IQCE: variants seen among roughly 807,000 people sequenced by gnomAD.
IQCE encodes the protein IQ domain-containing protein E.
IQCE carries 115 observed loss-of-function variants against 96.0 expected under a neutral mutation model. That is an observed-to-expected ratio of 1.20 (90% CI 1.03 to 1.40). IQCE has a LOEUF of 1.40. Among genes scored for constraint, IQCE ranks in the 40% most tolerant of loss-of-function variants. The probability of loss-of-function intolerance (pLI) is 0.00; values close to 1 mark genes in which losing one functional copy is unlikely to be tolerated. For missense variants in IQCE, 1,041 were observed against 909.1 expected, an observed-to-expected ratio of 1.15 and a Z score of -1.87; for synonymous variants, 412 against 371.2, an observed-to-expected ratio of 1.11 and a Z score of -1.26.
intron 3 of IQCE, among the ~76,000 whole-genome samples, chr7:2,570,142 C>G (rs572121744): frequency 2.0e-5 from 3 of 152,258 alleles, no homozygotes; most frequent in African/African-American, 7.2e-5. Context: ...CCACCACGTT[C>G]CGAGGCTTTT....
At position 2,590,009 on chromosome 7, in the gene IQCE, C is replaced by T. The variant is rs780193465; in HGVS notation, c.1147C>T (p.Arg383Ter). ...CAGCTCTGCGCTGCACAGACAGCCA[C>T]GAGGGGACCGCAACAAGGACCACGA... ...ASSSALHRQP[R>*]GDRNKDHERL... Residue 383 changes from arginine to a stop codon, truncating the protein, a stop_gained, in exon 14 of 22, where the codon CGA (arginine) becomes TGA (stop). Transcript: ENST00000402050. LOFTEE classifies it high-confidence loss of function. 5.6e-6 allele frequency: 9 copies of T among 1,613,742 alleles called. No homozygotes were observed. The highest frequency in any genetic ancestry group is 1.3e-5 in the African/African-American group (1 of 74,936).
At chr7:2,561,003 G>A (rs1430505529) in intron 1 of IQCE, among the ~76,000 whole-genome samples, 1 of 149,928 alleles carries the variant, frequency 6.7e-6, no homozygotes, top group Non-Finnish European at 1.5e-5. Context: ...TGCCACCCAG[G>A]CTGGAGTGCA....
intron 14 of IQCE, among the ~76,000 whole-genome samples, chr7:2,590,765 A>G (rs1783524356): frequency 6.6e-6 from 1 of 152,200 alleles, no homozygotes; most frequent in South Asian, 2.1e-4. Context: ...ACCTCAACTC[A>G]AAAGTGTAGG....
intron 20 of IQCE, among the ~76,000 whole-genome samples, chr7:2,606,551 T>A (rs1306568164): frequency 1.3e-5 from 2 of 152,160 alleles, no homozygotes; most frequent in Non-Finnish European, 2.9e-5. Flanking sequence ...CACCCCCGTC[T>A]GCTTCACCCC....
At position 2,589,984 on chromosome 7, in the gene IQCE, C is replaced by T; in HGVS notation, c.1122C>T (p.Ser374=). 6.2e-7 allele frequency: 1 copy of T among 1,613,986 alleles called. No homozygotes were observed. The highest frequency in any genetic ancestry group is 8.5e-7 in the Non-Finnish European group (1 of 1,180,026). The part of the protein sequence containing the change: ...VRSHPPACLA[S]SSALHRQPRG... Reference sequence around the variant, plus strand: ...CACACCCGCCAGCCTGCCTTGCATCCAGCTCTGCGCTGCACAGACAGCCAC... The same window carrying T: ...CACACCCGCCAGCCTGCCTTGCATCTAGCTCTGCGCTGCACAGACAGCCAC... Residue 374 remains serine (S), a synonymous_variant, in exon 14 of 22, where the codon TCC becomes TCT. Coordinates refer to ENST00000402050, the MANE Select transcript of IQCE (RefSeq NM_152558.5).
chr7:2,601,521 G>A, intron 18 of IQCE, 57 bp downstream of exon 18: 1 of 1,199,266 alleles, frequency 8.3e-7, no homozygotes, highest in Non-Finnish European at 1.2e-6. Context: ...TTGAAAAGTA[G>A]GTGAGGGGAT....
At chr7:2,578,090 G>A (rs1199523869) in intron 6 of IQCE, 152 bp from the exon 7 acceptor site, 4 of 604,704 alleles carry the variant, frequency 6.6e-6, no homozygotes, top group African/African-American at 1.9e-5. Context: ...TGTGTGCGGC[G>A]TGCGCGCAGT....
At chr7:2,562,888 C>T (rs987842355) in intron 1 of IQCE, among the ~76,000 whole-genome samples, 1 of 150,848 alleles carries the variant, frequency 6.6e-6, no homozygotes, top group African/African-American at 2.4e-5. Flanking sequence ...TTTACAGCTA[C>T]AAATTGCCCT....
intron 14 of IQCE, among the ~76,000 whole-genome samples, chr7:2,591,138 G>A (rs908553611): frequency 2.6e-5 from 4 of 151,818 alleles, no homozygotes; most frequent in Non-Finnish European, 5.9e-5. Context: ...CTGTAATCCC[G>A]CCTATTTGGG....
intron 11 of IQCE, 193 bp downstream of exon 11, chr7:2,584,478 GT>G (rs1397717777): frequency 1.6e-6 from 1 of 627,358 alleles, no homozygotes; most frequent in East Asian, 2.7e-5. Context: ...ACTCCTCATA[GT>G]GACCACGTGT....
At chr7:2,571,354 A>G in intron 3 of IQCE, 172 bp from the exon 4 acceptor site, 1 of 751,642 alleles carries the variant, frequency 1.3e-6, no homozygotes, top group South Asian at 1.6e-5. Flanking sequence ...AAGTTAAAGG[A>G]GAAATGTCAG....
At position 2,614,098 on chromosome 7, in the gene IQCE, C is replaced by G. The variant is rs1785206139; in HGVS notation, c.*3936C>G. On this transcript the variant is annotated 3_prime_UTR_variant, in exon 22 of 22. Transcript: ENST00000402050. ...CGTGAGGACCATGCCCTTGATCCCTCCGATGGACCAGAAACCCCCTTCCTT... is the reference window on the plus strand; with the variant it reads ...CGTGAGGACCATGCCCTTGATCCCTGCGATGGACCAGAAACCCCCTTCCTT... The G allele has an allele frequency of 6.6e-6, 1 of 152,062 alleles. No individual in the cohort carries two copies. The highest frequency in any genetic ancestry group is 2.1e-4 in the South Asian group (1 of 4,822). 9.4% of individuals were successfully genotyped at this position (152,062 alleles called of 1,614,324 possible). A position where few individuals can be genotyped will look rare whatever the true frequency, so the allele number is the denominator to read the frequency against.
intron 1 of IQCE, among the ~76,000 whole-genome samples, chr7:2,564,322 C>T (rs1257570152): frequency 1.3e-5 from 2 of 152,086 alleles, no homozygotes; most frequent in East Asian, 3.9e-4. Context: ...AGGCCAGGCA[C>T]AGTGACTCAC....
intron 6 of IQCE, among the ~76,000 whole-genome samples, chr7:2,573,902 T>C (rs1781937636): frequency 6.6e-6 from 1 of 152,196 alleles, no homozygotes; most frequent in African/African-American, 2.4e-5. Flanking sequence ...ACAGAAGCTC[T>C]GTGGGACGGG....
chr7:2,600,629 T>C (rs550709569), intron 17 of IQCE, among the ~76,000 whole-genome samples: 2 of 152,346 alleles, frequency 1.3e-5, no homozygotes, highest in South Asian at 4.1e-4. Flanking sequence ...TCTGTCTCAC[T>C]CTTATTCAGT....
chr7:2,569,439 T>C (rs1013351175), intron 3 of IQCE, among the ~76,000 whole-genome samples: 1 of 152,202 alleles, frequency 6.6e-6, no homozygotes, highest in Non-Finnish European at 1.5e-5. Context: ...GTTCACCTTT[T>C]TCCCCTTTGG....
rs764539263 is a variant in IQCE at position 2,589,989 on chromosome 7, C to G, written c.1127C>G (p.Ser376Cys). Residue 376 changes from serine (S) to cysteine (C), a missense_variant, in exon 14 of 22, where the codon TCT (serine) becomes TGT (cysteine). Coordinates refer to ENST00000402050, the MANE Select transcript of IQCE (RefSeq NM_152558.5). Reference sequence around the variant, plus strand: ...CCGCCAGCCTGCCTTGCATCCAGCTCTGCGCTGCACAGACAGCCACGAGGG... The same window carrying G: ...CCGCCAGCCTGCCTTGCATCCAGCTGTGCGCTGCACAGACAGCCACGAGGG... The part of the protein sequence containing the change: ...SHPPACLASS[S>C]ALHRQPRGDR... The G allele has an allele frequency of 1.2e-6, 2 of 1,613,968 alleles. No individual in the cohort carries two copies. The highest frequency in any genetic ancestry group is 3.3e-5 in the Admixed American group (2 of 60,034).
At chr7:2,585,111 C>T (rs1476491276) in intron 11 of IQCE, among the ~76,000 whole-genome samples, 3 of 150,772 alleles carry the variant, frequency 2.0e-5, no homozygotes, top group Non-Finnish European at 4.4e-5. Flanking sequence ...TCTCAGCTCA[C>T]TGCAACCTCT....
At position 2,610,871 on chromosome 7, in the gene IQCE, C is replaced by CTATTAT. The variant is rs1393274476; in HGVS notation, c.*709_*710insTATTAT. The CTATTAT allele has an allele frequency of 1.8e-5, 2 of 109,522 alleles. No homozygotes were observed. Among genetic ancestry groups the CTATTAT allele is most frequent in the Admixed American group, 1.1e-4 (1 of 9,492 alleles). 6.8% of individuals were successfully genotyped at this position (109,522 alleles called of 1,614,324 possible). A position where few individuals can be genotyped will look rare whatever the true frequency, so the allele number is the denominator to read the frequency against. On this transcript the variant is annotated 3_prime_UTR_variant, in exon 22 of 22. Transcript: ENST00000402050. Reference sequence around the variant, plus strand: ...GGAGACCAAGATTTTTTAAAATTCCCAATTACAAAAGCAGCATCACACTTG... The same window carrying CTATTAT: ...GGAGACCAAGATTTTTTAAAATTCCCTATTATAATTACAAAAGCAGCATCACACTTG...
Sources: allele counts gnomAD v4.1 joint callset (sites outside exome capture counted in the v4.1 genomes callset), GRCh38; gene constraint gnomAD v4.1.1; transcripts MANE v1.5; gene names NCBI Gene and HGNC (gene_info 2026-07-23, HGNC 2026-07-21).